Variants in TMEM135 observed in about 807,000 individuals in gnomAD.
TMEM135 encodes peroxisomal membrane protein 52.
In TMEM135, 30 loss-of-function variants were observed where a neutral mutation model predicts 60.3. That is an observed-to-expected ratio of 0.50 (90% CI 0.37 to 0.68). The LOEUF is 0.68. Ranked by LOEUF, TMEM135 falls within the 30% of genes least tolerant of loss-of-function variation. The pLI is 0.00. For synonymous variants in TMEM135, 190 were observed against 186.7 expected, an observed-to-expected ratio of 1.02 and a Z score of -0.14; for missense variants, 468 against 548.8, an observed-to-expected ratio of 0.85 and a Z score of 1.47.
chr11:87,274,449 G>A (rs1293262925), intron 6 of TMEM135, among the ~76,000 whole-genome samples: 1 of 152,026 alleles, frequency 6.6e-6, no homozygotes, highest in Non-Finnish European at 1.5e-5. Context: ...TCTCATACAT[G>A]TCTTTCTTGC....
At chr11:87,182,348 T>C (rs1262442690) in intron 5 of TMEM135, among the ~76,000 whole-genome samples, 1 of 152,182 alleles carries the variant, frequency 6.6e-6, no homozygotes, top group Non-Finnish European at 1.5e-5. Context: ...AGACTTGTAA[T>C]ACTGGATCTT....
chr11:87,213,234 C>T (rs902310986), intron 5 of TMEM135, among the ~76,000 whole-genome samples: 3 of 152,144 alleles, frequency 2.0e-5, no homozygotes, highest in Non-Finnish European at 4.4e-5. Flanking sequence ...GTTAAGAAAT[C>T]AGGTTTCTTT....
At chr11:87,082,707 T>G (rs1857016315) in intron 3 of TMEM135, among the ~76,000 whole-genome samples, 1 of 152,206 alleles carries the variant, frequency 6.6e-6, no homozygotes, top group Non-Finnish European at 1.5e-5. Flanking sequence ...AGCAGCAACA[T>G]TTAAGGAGCC....
At position 87,324,326 on chromosome 11, in the gene TMEM135, G is replaced by A. The variant is rs978017796; in HGVS notation, c.*2993G>A. On this transcript the variant is annotated 3_prime_UTR_variant, in exon 15 of 15. Transcript: ENST00000305494. The stretch of plus-strand genomic sequence containing the variant: ...GGTGCTAATTAGGAAGCTTCTTGTG[G>A]GACTGAAGGGAACTGACCACTGGAG... 1 of 454,006 alleles carries A rather than the reference G, an allele frequency of 2.2e-6. No individual in the cohort carries two copies. The highest frequency in any genetic ancestry group is 7.0e-5 in the East Asian group (1 of 14,380). 28.1% of individuals were successfully genotyped at this position (454,006 alleles called of 1,614,324 possible).
intron 3 of TMEM135, among the ~76,000 whole-genome samples, chr11:87,090,552 T>C (rs1338062446): frequency 1.3e-5 from 2 of 152,146 alleles, no homozygotes; most frequent in African/African-American, 4.8e-5. Context: ...CTGAAAATGT[T>C]CATAAAGGAA....
chr11:87,139,514 C>A (rs1938205275), intron 4 of TMEM135, among the ~76,000 whole-genome samples: 1 of 152,120 alleles, frequency 6.6e-6, no homozygotes, highest in South Asian at 2.1e-4. Context: ...TTTGGCTTTT[C>A]TATAGCTCAT....
At chr11:87,197,012 G>GA (rs531888642) in intron 5 of TMEM135, among the ~76,000 whole-genome samples, 2 of 151,724 alleles carry the variant, frequency 1.3e-5, no homozygotes, top group East Asian at 1.9e-4. Context: ...TTCTCCTAAT[G>GA]AAAAAAAATT....
At position 87,326,343 on chromosome 11, in the gene TMEM135, C is replaced by T. The variant is rs998573492; in HGVS notation, c.*5010C>T. 6 of 453,994 alleles carry T rather than the reference C, an allele frequency of 1.3e-5. No homozygotes were observed. The highest frequency in any genetic ancestry group is 2.6e-5 in the Non-Finnish European group (6 of 226,788). The allele number at this position is 453,994 out of a possible 1,614,324, so 28.1% of individuals were successfully genotyped here. A position where few individuals can be genotyped will look rare whatever the true frequency, so the allele number is the denominator to read the frequency against. On this transcript the variant is annotated 3_prime_UTR_variant, in exon 15 of 15. Transcript: ENST00000305494. ...TGTTGGCTGAGGTCACCCTGCATTA[C>T]TACTTTCCTCCATCCCTGAACTAGG...
Position 87,328,135 on chromosome 11 carries a change from C to A in TMEM135, c.*6802C>A. 2.2e-6 allele frequency: 1 copy of A among 454,100 alleles called. No homozygotes were observed. The highest frequency in any genetic ancestry group is 1.6e-5 in the South Asian group (1 of 64,472). 28.1% of individuals were successfully genotyped at this position (454,100 alleles called of 1,614,324 possible). ...GCTCTATTACCCAAGAATTCTGTTACTTTCAGCTGAAAACATTTCTAATGG... is the reference window on the plus strand; with the variant it reads ...GCTCTATTACCCAAGAATTCTGTTAATTTCAGCTGAAAACATTTCTAATGG... On this transcript the variant is annotated 3_prime_UTR_variant, in exon 15 of 15. Coordinates refer to ENST00000305494, the MANE Select transcript of TMEM135 (RefSeq NM_022918.4).
At chr11:87,217,526 C>CTAT (rs1486587903) in intron 5 of TMEM135, among the ~76,000 whole-genome samples, 1 of 152,130 alleles carries the variant, frequency 6.6e-6, no homozygotes, top group Non-Finnish European at 1.5e-5. Context: ...TGGCTCCTGC[C>CTAT]TGTAATCTCA....
chr11:87,146,066 A>G (rs1462770058), intron 4 of TMEM135, among the ~76,000 whole-genome samples: 2 of 152,186 alleles, frequency 1.3e-5, no homozygotes, highest in Admixed American at 6.5e-5. Flanking sequence ...TTTCAGGCCT[A>G]TGTTTAAGTC....
chr11:87,180,215 G>T (rs190756999), intron 5 of TMEM135, among the ~76,000 whole-genome samples: 4 of 152,064 alleles, frequency 2.6e-5, no homozygotes, highest in Admixed American at 2.6e-4. Flanking sequence ...CCCTGCAATG[G>T]TAGTGGTGGT....
At chr11:87,196,128 T>C (rs1939951109) in intron 5 of TMEM135, among the ~76,000 whole-genome samples, 1 of 152,188 alleles carries the variant, frequency 6.6e-6, no homozygotes, top group Admixed American at 6.5e-5. Context: ...TTTTAAAATG[T>C]TCCTTTATAA....
intron 3 of TMEM135, 93 bp from the exon 4 acceptor site, chr11:87,091,269 G>T: frequency 1.7e-6 from 2 of 1,153,766 alleles, no homozygotes; most frequent in Non-Finnish European, 2.5e-6. Flanking sequence ...CAATTTCTGA[G>T]AATATAATTC....
At chr11:87,055,485 T>C (rs1188688695) in intron 1 of TMEM135, among the ~76,000 whole-genome samples, 1 of 152,238 alleles carries the variant, frequency 6.6e-6, no homozygotes, top group African/African-American at 2.4e-5. Flanking sequence ...AATTTTCAAT[T>C]ACAAATGTTA....
chr11:87,257,498 T>C (rs1941551476), intron 6 of TMEM135, among the ~76,000 whole-genome samples: 1 of 152,222 alleles, frequency 6.6e-6, no homozygotes, highest in South Asian at 2.1e-4. Context: ...AGCCTCTTTG[T>C]GCCTCACATT....
chr11:87,170,723 T>A (rs1939213640), intron 5 of TMEM135, among the ~76,000 whole-genome samples: 2 of 152,118 alleles, frequency 1.3e-5, no homozygotes, highest in Non-Finnish European at 1.5e-5. Context: ...GAGGTGTCTG[T>A]TGACCTGTGC....
At chr11:87,187,295 A>C (rs1939676976) in intron 5 of TMEM135, among the ~76,000 whole-genome samples, 1 of 152,224 alleles carries the variant, frequency 6.6e-6, no homozygotes, top group South Asian at 2.1e-4. Context: ...AGGGGCCAGC[A>C]GGGAAAGTAT....
At chr11:87,045,530 T>G (rs933714650) in intron 1 of TMEM135, among the ~76,000 whole-genome samples, 1 of 152,210 alleles carries the variant, frequency 6.6e-6, no homozygotes, top group African/African-American at 2.4e-5. Context: ...TGCCTCTTAG[T>G]TGTCATAGAT....
Sources: allele counts gnomAD v4.1 joint callset (sites outside exome capture counted in the v4.1 genomes callset), GRCh38; gene constraint gnomAD v4.1.1; transcripts MANE v1.5; gene names NCBI Gene and HGNC (gene_info 2026-07-23, HGNC 2026-07-21).